PLCB4: variants seen among roughly 807,000 people sequenced by gnomAD.
PLCB4 encodes the protein 1-phosphatidylinositol 4,5-bisphosphate phosphodiesterase beta-4.
PLCB4 carries 77 observed loss-of-function variants against 178.8 expected under a neutral mutation model. The ratio of observed to expected loss-of-function variants is 0.43; its 90% CI spans 0.36 to 0.52. PLCB4 has a LOEUF of 0.52. Ranked by LOEUF, PLCB4 falls within the 20% of genes least tolerant of loss-of-function variation. The pLI, the probability that PLCB4 is intolerant of heterozygous loss-of-function variation, is 0.00. For missense variants in PLCB4, 1,024 were observed against 1,453.4 expected (o/e 0.70, Z 4.80); for synonymous variants, 496 against 490.8 (o/e 1.01, Z -0.14).
chr20:9,272,740 T>G (rs1271368653), intron 3 of PLCB4, among the ~76,000 whole-genome samples: 1 of 152,244 alleles, frequency 6.6e-6, no homozygotes, highest in Non-Finnish European at 1.5e-5. Flanking sequence ...AATTTCTTGG[T>G]GAGCATACCC....
chr20:9,354,077 C>A (rs1332020032), intron 7 of PLCB4, among the ~76,000 whole-genome samples: 1 of 152,210 alleles, frequency 6.6e-6, no homozygotes, highest in East Asian at 1.9e-4. Context: ...CTGGAAATCA[C>A]CAGCTCCTGA....
At chr20:9,239,111 C>T (rs1569000294) in intron 3 of PLCB4, among the ~76,000 whole-genome samples, 2 of 152,040 alleles carry the variant, frequency 1.3e-5, no homozygotes, top group African/African-American at 2.4e-5. Context: ...TTCTGTGGCC[C>T]GTGTTAGTTT....
chr20:9,457,446 CAG>C lies in PLCB4; in HGVS notation c.3031_3032del (p.Glu1011AsnfsTer13), dbSNP rs758685931. 5.1e-6 allele frequency: 8 copies of C among 1,570,424 alleles called. No individual in the cohort carries two copies. The Admixed American group carries it at 1.0e-4, about 20-fold the overall frequency. On this transcript the variant is annotated frameshift_variant, in exon 34 of 40. Coordinates refer to ENST00000378473, the MANE Select transcript of PLCB4 (RefSeq NM_001377142.1). LOFTEE classifies it high-confidence loss of function. ...AATTGTCTCGAAATGAAAAAAGAAA[CAG>C]AAATCAAAATTCAGACGCTGACATC...
chr20:9,142,101 A>G (rs1322490716), intron 2 of PLCB4, among the ~76,000 whole-genome samples: 1 of 152,092 alleles, frequency 6.6e-6, no homozygotes, highest in African/African-American at 2.4e-5. Flanking sequence ...GTGATTTGGA[A>G]CATTATTTCC....
At position 9,437,164 on chromosome 20, in the gene PLCB4, C is replaced by A. The variant is rs1246917559; in HGVS notation, c.2764+12C>A. 1 of 1,610,772 alleles carries A rather than the reference C, an allele frequency of 6.2e-7. No homozygotes were observed. The highest frequency in any genetic ancestry group is 1.7e-5 in the Admixed American group (1 of 59,638). On this transcript the variant is annotated intron_variant, in intron 30 of 39. Coordinates refer to ENST00000378473, the MANE Select transcript of PLCB4 (RefSeq NM_001377142.1). ...GGAAGCCAAGAAAGGTGAGAGAGAGCCGTTGGGTTCCTTATCTTCTGCACC... is the reference window on the plus strand; with the variant it reads ...GGAAGCCAAGAAAGGTGAGAGAGAGACGTTGGGTTCCTTATCTTCTGCACC...
At chr20:9,197,513 A>T (rs375785824) in intron 2 of PLCB4, among the ~76,000 whole-genome samples, 36 of 152,244 alleles carry the variant, frequency 2.4e-4, no homozygotes, top group African/African-American at 8.7e-4. Context: ...AAAGATATTA[A>T]TATTAAAAAT....
Position 9,320,026 on chromosome 20 carries a change from G to A in PLCB4, c.84+12128G>A, listed in dbSNP as rs187046099. On this transcript the variant is annotated intron_variant, in intron 4 of 39. Transcript: ENST00000378473. ...CTAAGAGAGAGGATTCTTGGATCTC[G>A]CCCAAGAAAGAATTAGAGGTGAGTG... Among the ~76,000 whole-genome samples the A allele has an allele frequency of 2.6e-3, 395 of 152,220 alleles. 1 individual carries two copies. The highest frequency in any genetic ancestry group is 3.8e-3 in the Non-Finnish European group (261 of 68,012).
intron 2 of PLCB4, among the ~76,000 whole-genome samples, chr20:9,193,304 T>A (rs1437405396): frequency 6.6e-6 from 1 of 152,204 alleles, no homozygotes; most frequent in Non-Finnish European, 1.5e-5. Flanking sequence ...AGAGAAAAAC[T>A]ACAACTATGT....
intron 2 of PLCB4, among the ~76,000 whole-genome samples, chr20:9,182,039 T>A (rs2093254761): frequency 2.0e-5 from 3 of 152,154 alleles, no homozygotes; most frequent in African/African-American, 7.2e-5. Context: ...GAGGGCGGTG[T>A]CTGTTTTGTT....
intron 3 of PLCB4, among the ~76,000 whole-genome samples, chr20:9,287,261 G>C (rs1475057820): frequency 1.3e-5 from 2 of 151,964 alleles, no homozygotes; most frequent in Non-Finnish European, 2.9e-5. Context: ...GCATTTCTCT[G>C]TTTAATCATC....
chr20:9,435,443 GATT>G (rs2041704360), intron 28 of PLCB4, 114 bp from the exon 29 acceptor site: 3 of 617,956 alleles, frequency 4.9e-6, no homozygotes, highest in Non-Finnish European at 8.5e-6. Flanking sequence ...CCTAGGAAAA[GATT>G]ATTAACAGAA....
intron 3 of PLCB4, among the ~76,000 whole-genome samples, chr20:9,231,570 G>A (rs927129128): frequency 1.3e-5 from 2 of 152,106 alleles, no homozygotes; most frequent in African/African-American, 2.4e-5. Context: ...CCTTAGCCTC[G>A]TTGTGGGATA....
chr20:9,215,378 G>T (rs2093718997), intron 2 of PLCB4, among the ~76,000 whole-genome samples: 1 of 152,174 alleles, frequency 6.6e-6, no homozygotes, highest in African/African-American at 2.4e-5. Context: ...GGGTTTGAAT[G>T]CCAGTTTTGT....
intron 13 of PLCB4, among the ~76,000 whole-genome samples, chr20:9,382,709 A>G (rs1471432857): frequency 2.0e-5 from 3 of 152,196 alleles, no homozygotes; most frequent in African/African-American, 7.2e-5. Flanking sequence ...GCATCCTGCC[A>G]TGCTTCATCA....
At chr20:9,381,883 G>A (rs2037173684) in intron 13 of PLCB4, among the ~76,000 whole-genome samples, 1 of 152,114 alleles carries the variant, frequency 6.6e-6, no homozygotes, top group Non-Finnish European at 1.5e-5. Context: ...TACCAGAGCG[G>A]CACAGTTCTC....
intron 2 of PLCB4, among the ~76,000 whole-genome samples, chr20:9,202,272 A>C (rs1456450905): frequency 6.6e-6 from 1 of 152,204 alleles, no homozygotes; most frequent in Non-Finnish European, 1.5e-5. Context: ...TTGAAGTAAT[A>C]GAATTGTTTT....
At chr20:9,290,289 G>A (rs780041442) in intron 3 of PLCB4, among the ~76,000 whole-genome samples, 3 of 152,034 alleles carry the variant, frequency 2.0e-5, no homozygotes, top group Non-Finnish European at 4.4e-5. Flanking sequence ...CAAGGGGCAG[G>A]GAACTTAGTT....
intron 2 of PLCB4, among the ~76,000 whole-genome samples, chr20:9,139,461 C>T (rs2092445455): frequency 6.6e-6 from 1 of 152,092 alleles, no homozygotes; most frequent in African/African-American, 2.4e-5. Context: ...CCAGCTGGAA[C>T]ATCTCAGTTC....
chr20:9,264,997 G>T (rs1160194792), intron 3 of PLCB4, among the ~76,000 whole-genome samples: 1 of 152,136 alleles, frequency 6.6e-6, no homozygotes, highest in Admixed American at 6.5e-5. Flanking sequence ...TAGTTTTGGG[G>T]CAACTCCAAG....
Sources: gnomAD v4.1 joint callset for allele counts (sites outside exome capture counted in the v4.1 genomes callset) on GRCh38, gnomAD v4.1.1 for gene constraint, MANE v1.5 for transcripts, NCBI Gene and HGNC (gene_info 2026-07-23, HGNC 2026-07-21) for gene names.